TRPM3: variants seen among roughly 807,000 people sequenced by gnomAD.
TRPM3 encodes the protein transient receptor potential cation channel subfamily M member 3.
TRPM3 carries 77 observed loss-of-function variants against 181.2 expected under a neutral mutation model. The observed-to-expected ratio is 0.42, with a 90% confidence interval of 0.35 to 0.51. TRPM3 has a LOEUF of 0.51. TRPM3 is among the 20% of genes least tolerant of loss of function. The pLI is 0.01. For synonymous variants in TRPM3, 745 were observed against 796.4 expected (o/e 0.94, Z 1.09); for missense variants, 1,759 against 2,196.7 (o/e 0.80, Z 3.98).
chr9:70,550,671 G>A (rs2046253110), intron 24 of TRPM3, among the ~76,000 whole-genome samples: 1 of 152,306 alleles, frequency 6.6e-6, no homozygotes, highest in African/African-American at 2.4e-5. Context: ...CCATGCCCTC[G>A]AGATGTGATA....
intron 9 of TRPM3, among the ~76,000 whole-genome samples, chr9:70,675,475 A>T (rs1157043639): frequency 6.6e-6 from 1 of 152,248 alleles, no homozygotes; most frequent in African/African-American, 2.4e-5. Context: ...TGTATCTATA[A>T]GTAATTAAGT....
chr9:70,669,416 G>T (rs367785189), intron 9 of TRPM3, among the ~76,000 whole-genome samples: 2 of 152,140 alleles, frequency 1.3e-5, no homozygotes, highest in Non-Finnish European at 2.9e-5. Context: ...CTTTTCTCCT[G>T]GTTATGACCC....
In TRPM3 at chr9:71,417,938, G is replaced by A. The variant is rs1169516937; in HGVS notation, c.183+28715C>T. 2.0e-5 allele frequency among the ~76,000 whole-genome samples: 3 copies of A among 151,838 alleles called. No individual in the cohort carries two copies. In the East Asian group the frequency reaches 5.8e-4, roughly 29 times the overall value. ...ACCTGATGGAAATAAATTTTTTTAA[G>A]TTGATGATTTTTTAAGTTTCTAAAA... is the stretch of plus-strand genomic sequence containing the variant. On this transcript the variant is annotated intron_variant, in intron 1 of 24. Coordinates refer to the TRPM3 transcript ENST00000357533.
In TRPM3 at chr9:71,354,732, C is replaced by A. The variant is rs189229196; in HGVS notation, c.183+91921G>T. Among the ~76,000 whole-genome samples the A allele has an allele frequency of 1.2e-3, 179 of 152,294 alleles. 2 individuals are homozygous for A. The highest frequency in any genetic ancestry group is 1.6e-3 in the Non-Finnish European group (110 of 68,032). On this transcript the variant is annotated intron_variant, in intron 1 of 24. Coordinates refer to the TRPM3 transcript ENST00000357533. ...TACTTATTTCTAAGTTATCCTCTGT[C>A]CTCTGTCACAATTACTACCAGGATG... is the stretch of plus-strand genomic sequence containing the variant.
intron 7 of TRPM3, among the ~76,000 whole-genome samples, chr9:70,770,237 AT>A (rs2135421653): frequency 6.6e-6 from 1 of 152,214 alleles, no homozygotes; most frequent in East Asian, 1.9e-4. Context: ...TCAAAAACAT[AT>A]ATTTGGTTCT....
chr9:71,251,952 T>G (rs749463979), intron 1 of TRPM3, among the ~76,000 whole-genome samples: 1 of 152,174 alleles, frequency 6.6e-6, no homozygotes. Flanking sequence ...AGTAAGAACT[T>G]ATGTTTGTGT....
intron 1 of TRPM3, among the ~76,000 whole-genome samples, chr9:71,399,947 G>C (rs1261420233): frequency 6.6e-6 from 1 of 152,062 alleles, no homozygotes. Context: ...AAAAGATCAG[G>C]TTCTCTGGAT....
chr9:71,038,144 T>C (rs2058424734), intron 1 of TRPM3, among the ~76,000 whole-genome samples: 1 of 152,322 alleles, frequency 6.6e-6, no homozygotes, highest in South Asian at 2.1e-4. Flanking sequence ...GTTCAGGCCA[T>C]GGACTGCTTT....
intron 1 of TRPM3, among the ~76,000 whole-genome samples, chr9:71,176,885 T>C (rs1485291887): frequency 6.6e-6 from 1 of 152,124 alleles, no homozygotes; most frequent in Non-Finnish European, 1.5e-5. Flanking sequence ...TTTTGTAGTC[T>C]AGGAAGAATG....
chr9:71,296,922 C>A (rs1014561147), intron 1 of TRPM3, among the ~76,000 whole-genome samples: 1 of 150,314 alleles, frequency 6.7e-6, no homozygotes, highest in Admixed American at 6.6e-5. Flanking sequence ...AGAAACACTG[C>A]AGAAAGAAGA....
chr9:71,398,488 T>C (rs2093254829), intron 1 of TRPM3, among the ~76,000 whole-genome samples: 1 of 152,160 alleles, frequency 6.6e-6, no homozygotes, highest in Non-Finnish European at 1.5e-5. Context: ...GATTGGATCA[T>C]GGGGGTGGAT....
At chr9:71,081,926 T>C (rs2064417828) in intron 1 of TRPM3, among the ~76,000 whole-genome samples, 1 of 152,154 alleles carries the variant, frequency 6.6e-6, no homozygotes, top group Non-Finnish European at 1.5e-5. Context: ...ATAAGTAAGA[T>C]AAAAGCCACA....
intron 1 of TRPM3, among the ~76,000 whole-genome samples, chr9:71,046,817 A>G (rs1014219998): frequency 2.0e-5 from 3 of 152,254 alleles, no homozygotes; most frequent in African/African-American, 7.2e-5. Context: ...ATAGGAGAAC[A>G]GAATGAAAAG....
chr9:71,212,972 A>G (rs2079601233), intron 1 of TRPM3, among the ~76,000 whole-genome samples: 1 of 152,232 alleles, frequency 6.6e-6, no homozygotes, highest in South Asian at 2.1e-4. Context: ...AGACAAACCA[A>G]GAAATCAAAA....
At chr9:71,340,018 G>T (rs1199198888) in intron 1 of TRPM3, among the ~76,000 whole-genome samples, 9 of 152,114 alleles carry the variant, frequency 5.9e-5, no homozygotes, top group African/African-American at 2.2e-4. Flanking sequence ...TTGAAAACAG[G>T]ATTTTGTCTG....
At chr9:71,297,308 T>C (rs988366378) in intron 1 of TRPM3, among the ~76,000 whole-genome samples, 1 of 152,226 alleles carries the variant, frequency 6.6e-6, no homozygotes, top group Non-Finnish European at 1.5e-5. Flanking sequence ...GCCCTCTTCC[T>C]GATCTGAGCC....
At chr9:70,942,445 C>T (rs187841554) in intron 1 of TRPM3, among the ~76,000 whole-genome samples, 2 of 152,292 alleles carry the variant, frequency 1.3e-5, no homozygotes, top group African/African-American at 2.4e-5. Context: ...GCATCTCAGC[C>T]ATCAACAATC....
intron 14 of TRPM3, 114 bp from the exon 15 acceptor site, chr9:70,621,387 C>T: frequency 3.0e-6 from 2 of 662,372 alleles, no homozygotes; most frequent in Non-Finnish European, 4.6e-6. Context: ...TTTATTGAGA[C>T]AAGGTCTCAC....
At chr9:71,395,904 G>GTACATT (rs1170928420) in intron 1 of TRPM3, among the ~76,000 whole-genome samples, 1 of 152,140 alleles carries the variant, frequency 6.6e-6, no homozygotes, top group Non-Finnish European at 1.5e-5. Context: ...AGTTTCTACT[G>GTACATT]GGTATGAATT....
Sources: gnomAD v4.1 joint callset for allele counts (sites outside exome capture counted in the v4.1 genomes callset) on GRCh38, gnomAD v4.1.1 for gene constraint, MANE v1.5 for transcripts, NCBI Gene and HGNC (gene_info 2026-07-23, HGNC 2026-07-21) for gene names.